Variants in MSX1 observed in about 807,000 individuals in gnomAD.
The protein encoded by MSX1 is homeobox protein MSX-1.
MSX1 carries 11 observed loss-of-function variants against 17.0 expected under a neutral mutation model. That is an observed-to-expected ratio of 0.65 (90% CI 0.41 to 1.07). MSX1 has a LOEUF of 1.07. MSX1 is among the 50% of genes least tolerant of loss of function. MSX1 has a pLI of 0.00. For synonymous variants in MSX1, 253 were observed against 211.8 expected, an observed-to-expected ratio of 1.19 and a Z score of -1.69; for missense variants, 477 against 440.1, an observed-to-expected ratio of 1.08 and a Z score of -0.75.
rs1467307012 is a variant in MSX1 at position 4,862,998 on chromosome 4, C to T, written c.767C>T (p.Pro256Leu). 6.2e-7 allele frequency: 1 copy of T among 1,612,486 alleles called. No individual in the cohort carries two copies. The highest frequency in any genetic ancestry group is 1.7e-5 in the Admixed American group (1 of 59,972). ...CCGGCTGCCTTCGGCCTCTCCTTCC[C>T]TCTCGGCGGCCCCGCAGCTGTAGCG... Reference protein sequence around the residue: ...LPPAAFGLSFPLGGPAAVAAA... With the variant: ...LPPAAFGLSFLLGGPAAVAAA... Residue 256 changes from proline to leucine, a missense_variant, in exon 2 of 2, where the codon CCT becomes CTT. Physicochemically the swap from Pro to Leu is moderately conservative, Grantham distance 98 (BLOSUM62 -3). Around this residue, in one of 3 missense-constraint regions of MSX1, gnomAD observed 114 missense variants for 106.3 expected, o/e 1.07. Coordinates refer to ENST00000382723, the MANE Select transcript of MSX1 (RefSeq NM_002448.3).
chr4:4,861,182 G>T (rs992063559), intron 1 of MSX1, among the ~76,000 whole-genome samples: 2 of 152,282 alleles, frequency 1.3e-5, no homozygotes, highest in Non-Finnish European at 2.9e-5. Flanking sequence ...GATTTCAATG[G>T]CGTGATGCTG....
chr4:4,861,850 A>G (rs1393723980), intron 1 of MSX1, among the ~76,000 whole-genome samples: 1 of 152,038 alleles, frequency 6.6e-6, no homozygotes, highest in Non-Finnish European at 1.5e-5. Context: ...ACTATGCCAC[A>G]GGTTGAGGGG....
rs774949973 is a variant in MSX1 at position 4,859,889 on chromosome 4, C to G, written c.-11C>G. On this transcript the variant is annotated 5_prime_UTR_variant, in exon 1 of 2. Coordinates refer to ENST00000382723, the MANE Select transcript of MSX1 (RefSeq NM_002448.3). ...GCCAGTGCTGCGGCAGAAGGGGGGG[C>G]CCGGCTCTGCATGGCCCCGGCTGCT... is the stretch of plus-strand genomic sequence containing the variant. 3.4e-6 allele frequency: 5 copies of G among 1,480,950 alleles called. No individual in the cohort carries two copies. The highest frequency in any genetic ancestry group is 2.4e-4 in the Middle Eastern group (1 of 4,190). 91.7% of individuals were successfully genotyped at this position (1,480,950 alleles called of 1,614,324 possible). A position where few individuals can be genotyped will look rare whatever the true frequency, so the allele number is the denominator to read the frequency against.
intron 1 of MSX1, chr4:4,862,422 T>A: frequency 3.1e-6 from 2 of 642,330 alleles, no homozygotes; most frequent in Middle Eastern, 4.9e-4. Context: ...CCCAGCTGTT[T>A]AGGCCTAAGA....
At position 4,863,022 on chromosome 4, in the gene MSX1, C is replaced by T. The variant is rs1429940476; in HGVS notation, c.791C>T (p.Ala264Val). The change falls in exon 2 of 2, where the codon GCG becomes GTG. Residue 264 changes from alanine (A) to valine (V), a missense_variant. This residue lies in a region of MSX1 where 114 missense variants were observed against 106.3 expected (regional missense o/e 1.07). Coordinates refer to ENST00000382723, the MANE Select transcript of MSX1 (RefSeq NM_002448.3). ...CCTCTCGGCGGCCCCGCAGCTGTAG[C>T]GGCCGCGGCGGGTGCCTCGCTCTAC... ...SFPLGGPAAV[A>V]AAAGASLYGA... The T allele has an allele frequency of 1.9e-6, 3 of 1,610,768 alleles. No individual in the cohort carries two copies. Among genetic ancestry groups the T allele is most frequent in the Admixed American group, 3.3e-5 (2 of 59,878 alleles).
Position 4,863,349 on chromosome 4 carries a change from A to AC in MSX1, c.*206_*207insC. On this transcript the variant is annotated 3_prime_UTR_variant, in exon 2 of 2. Transcript: ENST00000382723. The stretch of plus-strand genomic sequence containing the variant: ...TGGAAGAGTCCCTTAGTACTCTTCT[A>AC]GCATTTAGATCTACACTCTCGAGTT... 2 of 581,164 alleles carry AC rather than the reference A, an allele frequency of 3.4e-6. No homozygotes were observed. The highest frequency in any genetic ancestry group is 2.1e-5 in the South Asian group (1 of 48,480). The allele number at this position is 581,164 out of a possible 1,614,324, so 36.0% of individuals were successfully genotyped here.
rs1737861408 is a variant in MSX1 at position 4,859,764 on chromosome 4, G to A, written c.-136G>A. 1.8e-6 allele frequency: 1 copy of A among 560,890 alleles called. No individual in the cohort carries two copies. The highest frequency in any genetic ancestry group is 2.4e-6 in the Non-Finnish European group (1 of 408,860). The allele number at this position is 560,890 out of a possible 1,614,324, so 34.7% of individuals were successfully genotyped here. A position where few individuals can be genotyped will look rare whatever the true frequency, so the allele number is the denominator to read the frequency against. On this transcript the variant is annotated 5_prime_UTR_variant, in exon 1 of 2. Transcript: ENST00000382723. ...GCCGGAGCTGGCCTGCTGGGGAGGGGCGGGAGGCGCGCGCGGGAGGGTCCG... is the reference window on the plus strand; with the variant it reads ...GCCGGAGCTGGCCTGCTGGGGAGGGACGGGAGGCGCGCGCGGGAGGGTCCG...
chr4:4,860,403 G>T, intron 1 of MSX1, 35 bp downstream of exon 1: 1 of 283,830 alleles, frequency 3.5e-6, no homozygotes, highest in Non-Finnish European at 4.1e-6. Context: ...GAGGGAGGGG[G>T]CCGGGTGGGG....
At position 4,859,769 on chromosome 4, in the gene MSX1, A is replaced by C; in HGVS notation, c.-131A>C. On this transcript the variant is annotated 5_prime_UTR_variant, in exon 1 of 2. Coordinates refer to ENST00000382723, the MANE Select transcript of MSX1 (RefSeq NM_002448.3). ...AGCTGGCCTGCTGGGGAGGGGCGGGAGGCGCGCGCGGGAGGGTCCGCCCGG... is the reference window on the plus strand; with the variant it reads ...AGCTGGCCTGCTGGGGAGGGGCGGGCGGCGCGCGCGGGAGGGTCCGCCCGG... 2.4e-5 allele frequency: 14 copies of C among 578,312 alleles called. No individual in the cohort carries two copies. The highest frequency in any genetic ancestry group is 2.8e-5 in the Non-Finnish European group (12 of 422,418). 35.8% of individuals were successfully genotyped at this position (578,312 alleles called of 1,614,324 possible). A position where few individuals can be genotyped will look rare whatever the true frequency, so the allele number is the denominator to read the frequency against.
At chr4:4,862,075 GTGCAC>G (rs1281019116) in intron 1 of MSX1, among the ~76,000 whole-genome samples, 2 of 152,222 alleles carry the variant, frequency 1.3e-5, no homozygotes, top group East Asian at 3.8e-4. Flanking sequence ...GCTGGCCACA[GTGCAC>G]CCTCCATGAT....
In MSX1 at chr4:4,859,863, G is replaced by A. The variant is rs1025350468; in HGVS notation, c.-37G>A. Reference sequence around the variant, plus strand: ...CGCCCGGAGCCCATGCCCGGCGGCTGGCCAGTGCTGCGGCAGAAGGGGGGG... The same window carrying A: ...CGCCCGGAGCCCATGCCCGGCGGCTAGCCAGTGCTGCGGCAGAAGGGGGGG... On this transcript the variant is annotated 5_prime_UTR_variant, in exon 1 of 2. The change creates a premature stop within an existing upstream ORF in the 5' untranslated region. Transcript: ENST00000382723. 6.2e-6 allele frequency: 9 copies of A among 1,451,122 alleles called. No individual in the cohort carries two copies. The highest frequency in any genetic ancestry group is 1.5e-5 in the African/African-American group (1 of 67,338). The allele number at this position is 1,451,122 out of a possible 1,614,324, so 89.9% of individuals were successfully genotyped here.
chr4:4,862,497 A>G (rs1376675606), intron 1 of MSX1: 2 of 736,016 alleles, frequency 2.7e-6, no homozygotes, highest in Non-Finnish European at 4.8e-6. Flanking sequence ...CATTTGCAAA[A>G]AGTAGACAGG....
chr4:4,862,312 C>G (rs548867688), intron 1 of MSX1: 26 of 387,028 alleles, frequency 6.7e-5, no homozygotes, highest in South Asian at 5.2e-4. Context: ...TGTTCGTCAA[C>G]TGTATTAACA....
chr4:4,863,309 C>G lies in MSX1; in HGVS notation c.*166C>G, dbSNP rs1737968027. 1.4e-6 allele frequency: 1 copy of G among 727,558 alleles called. No individual in the cohort carries two copies. The highest frequency in any genetic ancestry group is 1.8e-5 in the African/African-American group (1 of 56,454). The allele number at this position is 727,558 out of a possible 1,614,324, so 45.1% of individuals were successfully genotyped here. A position where few individuals can be genotyped will look rare whatever the true frequency, so the allele number is the denominator to read the frequency against. ...GAGTTCACTCTCCGAAGTCTGATCC[C>G]TGCCAAAAAGTGGCTGGAAGAGTCC... On this transcript the variant is annotated 3_prime_UTR_variant, in exon 2 of 2. Coordinates refer to ENST00000382723, the MANE Select transcript of MSX1 (RefSeq NM_002448.3).
rs1448405080 is a variant in MSX1, at chr4:4,859,937, G to C, written c.38G>C (p.Gly13Ala). The C allele has an allele frequency of 7.3e-6, 11 of 1,496,810 alleles. No individual in the cohort carries two copies. The highest frequency in any genetic ancestry group is 3.9e-5 in the South Asian group (3 of 77,888). 92.7% of individuals were successfully genotyped at this position (1,496,810 alleles called of 1,614,324 possible). Residue 13 changes from glycine to alanine, a missense_variant, in exon 1 of 2, where the codon GGT becomes GCT. Physicochemically the swap from Gly to Ala is moderately conservative, Grantham distance 60. Around this residue, in one of 3 missense-constraint regions of MSX1, gnomAD observed 355 missense variants for 306.1 expected, o/e 1.16. Coordinates refer to ENST00000382723, the MANE Select transcript of MSX1 (RefSeq NM_002448.3). ...GCTGACATGACTTCTTTGCCACTCG[G>C]TGTCAAAGTGGAGGACTCCGCCTTC... is the stretch of plus-strand genomic sequence containing the variant. The part of the protein sequence containing the change: ...PAADMTSLPL[G>A]VKVEDSAFGK...
rs1737867949 is a variant in MSX1, at chr4:4,859,999, A to T, written c.100A>T (p.Ser34Cys). ...PAGGGAGQAPSAAAATAAAMG... is the reference protein window; with the variant it reads ...PAGGGAGQAPCAAAATAAAMG... ...GGGGGGAGGCGCGGGCCAGGCCCCC[A>T]GCGCCGCCGCGGCCACGGCAGCCGC... The change falls in exon 1 of 2, where the codon AGC becomes TGC. Residue 34 changes from serine (S) to cysteine (C), a missense_variant. Ser to Cys is a moderately radical substitution (Grantham distance 112, BLOSUM62 -1). Coordinates refer to ENST00000382723, the MANE Select transcript of MSX1 (RefSeq NM_002448.3). 1 of 1,495,086 alleles carries T rather than the reference A, an allele frequency of 6.7e-7. No individual in the cohort carries two copies. The highest frequency in any genetic ancestry group is 8.9e-7 in the Non-Finnish European group (1 of 1,123,544). The allele number at this position is 1,495,086 out of a possible 1,614,324, so 92.6% of individuals were successfully genotyped here. A position where few individuals can be genotyped will look rare whatever the true frequency, so the allele number is the denominator to read the frequency against.
At chr4:4,861,217 A>C (rs1737908973) in intron 1 of MSX1, among the ~76,000 whole-genome samples, 1 of 152,264 alleles carries the variant, frequency 6.6e-6, no homozygotes, top group Non-Finnish European at 1.5e-5. Flanking sequence ...TCTGGGGATT[A>C]AACGTCTTTG....
In MSX1 at chr4:4,860,370, T is replaced by C; in HGVS notation, c.469+2T>C. Reference sequence around the variant, plus strand: ...CCCGCTTCTCCCCGCCGCCGGCCAGTGAGTAGCCAGAACCCAGGCGCAGAG... The same window carrying C: ...CCCGCTTCTCCCCGCCGCCGGCCAGCGAGTAGCCAGAACCCAGGCGCAGAG... On this transcript the variant is annotated splice_donor_variant, in intron 1 of 1. Coordinates refer to ENST00000382723, the MANE Select transcript of MSX1 (RefSeq NM_002448.3). LOFTEE classifies it high-confidence loss of function. 6.3e-7 allele frequency: 1 copy of C among 1,598,464 alleles called. No homozygotes were observed. The highest frequency in any genetic ancestry group is 1.9e-4 in the Middle Eastern group (1 of 5,362).
At chr4:4,862,593 C>A (rs750056358) in intron 1 of MSX1, 108 bp from the exon 2 acceptor site, 1 of 1,324,030 alleles carries the variant, frequency 7.6e-7, no homozygotes. Flanking sequence ...AGGCACTTGG[C>A]GGCACTCAAT....
Sources: allele counts gnomAD v4.1 joint callset (sites outside exome capture counted in the v4.1 genomes callset), GRCh38; gene constraint gnomAD v4.1.1; regional missense constraint gnomAD v4.1.1; transcripts MANE v1.5; gene names NCBI Gene and HGNC (gene_info 2026-07-23, HGNC 2026-07-21).